VWDE: variants seen among roughly 807,000 people sequenced by gnomAD.
VWDE encodes von Willebrand factor D and EGF domain-containing protein.
A neutral mutation model predicts 178.4 loss-of-function variants in VWDE; 207 were observed. The observed-to-expected ratio is 1.16, with a 90% CI of 1.04 to 1.30. The LOEUF (loss-of-function observed/expected upper bound fraction) is 1.30. VWDE is among the 50% of genes most tolerant of loss of function. The pLI, the probability that VWDE is intolerant of heterozygous loss-of-function variation, is 0.00. For missense variants in VWDE, 2,287 were observed against 1,901.3 expected, an observed-to-expected ratio of 1.20 and a Z score of -3.77; for synonymous variants, 738 against 651.4, an observed-to-expected ratio of 1.13 and a Z score of -2.02.
chr7:12,380,703 G>T lies in VWDE; in HGVS notation c.572C>A (p.Pro191His). ...RQLAASLPPP[P>H]AGRPEVLVEL... ...CACCAGAACCTCTGGCCTTCCTGCA[G>T]GTGGAGGTGGCAATGAGGCAGCCAG... The change falls in exon 5 of 29, where the codon CCT becomes CAT. Residue 191 changes from proline (P) to histidine (H), a missense_variant. Coordinates refer to ENST00000275358, the MANE Select transcript of VWDE (RefSeq NM_001135924.3). 1.3e-6 allele frequency: 2 copies of T among 1,551,872 alleles called. No homozygotes were observed. Among genetic ancestry groups the T allele is most frequent in the Non-Finnish European group, 1.7e-6 (2 of 1,147,010 alleles).
At chr7:12,342,298 G>T in intron 22 of VWDE, 144 bp from the exon 23 acceptor site, 2 of 549,678 alleles carry the variant, frequency 3.6e-6, no homozygotes, top group South Asian at 4.5e-5. Flanking sequence ...TTATATTCGG[G>T]TTTCAAATGC....
chr7:12,340,990 C>T (rs1384798625), intron 23 of VWDE, among the ~76,000 whole-genome samples: 1 of 152,110 alleles, frequency 6.6e-6, no homozygotes, highest in Non-Finnish European at 1.5e-5. Context: ...ACCCTAGATC[C>T]TACCCATTCA....
chr7:12,388,681 A>T, intron 3 of VWDE: 1 of 255,834 alleles, frequency 3.9e-6, no homozygotes, highest in Non-Finnish European at 7.9e-6. Flanking sequence ...GATCTCATTT[A>T]TCTTGCTCAT....
chr7:12,351,581 T>A lies in VWDE; in HGVS notation c.3878A>T (p.Asn1293Ile). ...CTATGACCATTACTTACTGAAGGCATTTCCACTTGTTGGCTTAACATGCCT... is the reference window on the plus strand; with the variant it reads ...CTATGACCATTACTTACTGAAGGCAATTCCACTTGTTGGCTTAACATGCCT... ...RKRHVKPTSGNAFTICKYPCG... is the reference protein window; with the variant it reads ...RKRHVKPTSGIAFTICKYPCG... The change falls in exon 19 of 29, where the codon AAT becomes ATT. Residue 1293 changes from asparagine (N) to isoleucine (I), a missense_variant. Coordinates refer to ENST00000275358, the MANE Select transcript of VWDE (RefSeq NM_001135924.3). 1.3e-6 allele frequency: 2 copies of A among 1,547,862 alleles called. No individual in the cohort carries two copies. Among genetic ancestry groups the A allele is most frequent in the Non-Finnish European group, 1.7e-6 (2 of 1,145,678 alleles).
Position 12,403,643 on chromosome 7 carries a change from G to A in VWDE, c.58+16C>T. ...CGCCACTGCGCGCCCACCCCCGCGC[G>A]CCCTACCTCGCTTACCTTCCCCCCA... On this transcript the variant is annotated intron_variant, in intron 1 of 28. Coordinates refer to ENST00000275358, the MANE Select transcript of VWDE (RefSeq NM_001135924.3). The A allele has an allele frequency of 2.0e-6, 3 of 1,536,848 alleles. No individual in the cohort carries two copies. Among genetic ancestry groups the A allele is most frequent in the Non-Finnish European group, 1.7e-6 (2 of 1,143,384 alleles).
chr7:12,381,594 G>C (rs1406576186), intron 4 of VWDE, among the ~76,000 whole-genome samples: 1 of 152,008 alleles, frequency 6.6e-6, no homozygotes, highest in Admixed American at 6.6e-5. Flanking sequence ...ATATTTTACA[G>C]TGTTATTTTG....
intron 27 of VWDE, among the ~76,000 whole-genome samples, chr7:12,334,352 AAT>A (rs1780896547): frequency 6.6e-6 from 1 of 152,190 alleles, no homozygotes; most frequent in Non-Finnish European, 1.5e-5. Flanking sequence ...AATTATATAT[AAT>A]AGTTATTTTT....
chr7:12,336,530 C>G (rs55664102), intron 26 of VWDE, among the ~76,000 whole-genome samples: 2,423 of 152,162 alleles, frequency 0.016, 56 homozygotes, highest in African/African-American at 0.056. Flanking sequence ...TCAAAACATT[C>G]TAGTAGCAGC....
Position 12,361,227 on chromosome 7 carries a change from T to G in VWDE, c.3079A>C (p.Ser1027Arg). The G allele has an allele frequency of 1.3e-6, 2 of 1,548,484 alleles. No homozygotes were observed. The highest frequency in any genetic ancestry group is 1.7e-6 in the Non-Finnish European group (2 of 1,144,570). The change falls in exon 15 of 29, where the codon AGT becomes CGT. Residue 1027 changes from serine to arginine, a missense_variant. Physicochemically the swap from Ser to Arg is moderately radical, Grantham distance 110. Coordinates refer to ENST00000275358, the MANE Select transcript of VWDE (RefSeq NM_001135924.3). ...TATATGACCGTTATTTTGGGATTAC[T>G]GAATTTATAACCATCATTAGATACC... ...LKVSNDGYKFSNPKITVIYDG... is the reference protein window; with the variant it reads ...LKVSNDGYKFRNPKITVIYDG...
intron 27 of VWDE, among the ~76,000 whole-genome samples, chr7:12,334,672 C>G (rs989103376): frequency 1.3e-5 from 2 of 152,198 alleles, no homozygotes; most frequent in Admixed American, 6.5e-5. Flanking sequence ...AGTAGGATGA[C>G]TTTTAAATTC....
chr7:12,359,048 T>C (rs1053651522), intron 16 of VWDE, among the ~76,000 whole-genome samples: 33 of 152,228 alleles, frequency 2.2e-4, no homozygotes, highest in African/African-American at 8.0e-4. Flanking sequence ...CTCATCTCCC[T>C]GTGAGGGAAG....
chr7:12,337,410 C>A (rs1781106038), intron 24 of VWDE, 138 bp from the exon 25 acceptor site: 1 of 773,218 alleles, frequency 1.3e-6, no homozygotes, highest in Non-Finnish European at 2.2e-6. Context: ...ACTCATTAAA[C>A]CTGTCCTTTC....
chr7:12,337,273 C>T lies in VWDE; in HGVS notation c.4367-1G>A. 6.4e-7 allele frequency: 1 copy of T among 1,551,494 alleles called. No individual in the cohort carries two copies. Among genetic ancestry groups the T allele is most frequent in the Non-Finnish European group, 8.7e-7 (1 of 1,146,714 alleles). ...TTCTTACAGGGAGGGTGACAGAAAG[C>T]TAAAAGAACACATGGCAGCAATCTG... On this transcript the variant is annotated splice_acceptor_variant, in intron 24 of 28. Coordinates refer to ENST00000275358, the MANE Select transcript of VWDE (RefSeq NM_001135924.3). LOFTEE classifies it high-confidence loss of function.
At position 12,382,636 on chromosome 7, in the gene VWDE, C is replaced by T. The variant is rs182269713; in HGVS notation, c.541+900G>A. ...TATTTTATGTATTTATGGCTTGTTC[C>T]ACCATATAAAACACCTCTGTTAATT... On this transcript the variant is annotated intron_variant, in intron 4 of 28. Coordinates refer to ENST00000275358, the MANE Select transcript of VWDE (RefSeq NM_001135924.3). Among the ~76,000 whole-genome samples the T allele has an allele frequency of 4.4e-4, 67 of 151,770 alleles. No individual in the cohort carries two copies. The East Asian group carries it at 0.013, about 29-fold the overall frequency.
At chr7:12,339,812 A>G (rs183453131) in intron 24 of VWDE, among the ~76,000 whole-genome samples, 143 of 152,260 alleles carry the variant, frequency 9.4e-4, no homozygotes, top group African/African-American at 3.3e-3. Flanking sequence ...TATTAACTAT[A>G]TGAGGGAAAG....
rs999842615 is a variant in VWDE at position 12,361,688 on chromosome 7, G to A, written c.2899-167C>T. 5.3e-5 allele frequency among the ~76,000 whole-genome samples: 8 copies of A among 152,006 alleles called. 1 individual carries two copies. The South Asian group carries it at 6.2e-4, about 12-fold the overall frequency. On this transcript the variant is annotated intron_variant, in intron 13 of 28. Coordinates refer to ENST00000275358, the MANE Select transcript of VWDE (RefSeq NM_001135924.3). ...GGGAGTGAGTTTTATTCAGAATAAC[G>A]AAAAACATATATATGTTAATATGAT... is the stretch of plus-strand genomic sequence containing the variant.
chr7:12,377,541 TTCAC>T, intron 7 of VWDE: 2 of 314,730 alleles, frequency 6.4e-6, no homozygotes, highest in Non-Finnish European at 5.7e-6. Context: ...GAGGAGATTA[TTCAC>T]TATTTTTTTT....
intron 10 of VWDE, 124 bp from the exon 11 acceptor site, chr7:12,370,988 T>TA: frequency 1.2e-6 from 1 of 815,830 alleles, no homozygotes; most frequent in Non-Finnish European, 1.7e-6. Flanking sequence ...AAGAATAAAA[T>TA]ACTGATTTTC....
At position 12,380,693 on chromosome 7, in the gene VWDE, C is replaced by A; in HGVS notation, c.582G>T (p.Arg194Ser). 1.3e-6 allele frequency: 2 copies of A among 1,551,914 alleles called. No individual in the cohort carries two copies. The highest frequency in any genetic ancestry group is 1.7e-6 in the Non-Finnish European group (2 of 1,147,028). The change falls in exon 5 of 29, where the codon AGG becomes AGT. Residue 194 changes from arginine to serine, a missense_variant. Transcript: ENST00000275358. ...CAATCAACTCCACCAGAACCTCTGG[C>A]CTTCCTGCAGGTGGAGGTGGCAATG... Reference protein sequence around the residue: ...AASLPPPPAGRPEVLVELIES... With the variant: ...AASLPPPPAGSPEVLVELIES...
Sources: gnomAD v4.1 joint callset for allele counts (sites outside exome capture counted in the v4.1 genomes callset) on GRCh38, gnomAD v4.1.1 for gene constraint, MANE v1.5 for transcripts, NCBI Gene and HGNC (gene_info 2026-07-23, HGNC 2026-07-21) for gene names.